MGAT4C: variants seen among roughly 807,000 people sequenced by gnomAD.
The protein encoded by MGAT4C is MGAT4 family member C, also known as alpha-1,3-mannosyl-glycoprotein 4-beta-N-acetylglucosaminyltransferase C.
MGAT4C carries 19 observed loss-of-function variants against 40.1 expected under a neutral mutation model. The observed-to-expected ratio is 0.47, with a 90% CI of 0.33 to 0.70. The LOEUF (loss-of-function observed/expected upper bound fraction) is 0.70, where lower values mean the gene tolerates loss of function less well. Among genes scored for constraint, MGAT4C ranks in the 30% least tolerant of loss-of-function variants. The pLI is 0.02. For synonymous variants in MGAT4C, 181 were observed against 187.1 expected (o/e 0.97, Z 0.27); for missense variants, 491 against 563.2 (o/e 0.87, Z 1.30).
At chr12:86,567,070 A>T (rs1430353873) in intron 2 of MGAT4C, among the ~76,000 whole-genome samples, 1 of 152,158 alleles carries the variant, frequency 6.6e-6, no homozygotes, top group African/African-American at 2.4e-5. Context: ...TCAACTAGGT[A>T]ACAATACTTT....
chr12:86,257,803 G>C (rs1014366644), upstream of MGAT4C, among the ~76,000 whole-genome samples: 3 of 152,144 alleles, frequency 2.0e-5, no homozygotes, highest in African/African-American at 7.2e-5. Context: ...TGACATGGGA[G>C]CAAGAGTTCT....
intron 2 of MGAT4C, among the ~76,000 whole-genome samples, chr12:85,991,335 T>C (rs952163684): frequency 3.3e-5 from 5 of 152,104 alleles, no homozygotes; most frequent in Admixed American, 2.6e-4. Flanking sequence ...TGCCAACTGA[T>C]CCATGGACAG....
At chr12:86,150,221 A>G (rs1394403954) in intron 1 of MGAT4C, among the ~76,000 whole-genome samples, 2 of 152,198 alleles carry the variant, frequency 1.3e-5, no homozygotes, top group Admixed American at 6.5e-5. Flanking sequence ...ATGAACAGAC[A>G]GTAAAGCTCA....
chr12:86,258,471 A>C (rs1381542119), upstream of MGAT4C, among the ~76,000 whole-genome samples: 2 of 152,100 alleles, frequency 1.3e-5, no homozygotes, highest in African/African-American at 4.8e-5. Context: ...AAATACAGCA[A>C]TATAAAGATT....
At chr12:86,737,599 A>T (rs1164732366) in intron 1 of MGAT4C, among the ~76,000 whole-genome samples, 1 of 151,302 alleles carries the variant, frequency 6.6e-6, no homozygotes, top group Non-Finnish European at 1.5e-5. Flanking sequence ...CCAGCTCCTA[A>T]TACTTTCTGA....
chr12:86,368,570 A>T (rs1463922823), intron 3 of MGAT4C, among the ~76,000 whole-genome samples: 1 of 151,508 alleles, frequency 6.6e-6, no homozygotes, highest in Non-Finnish European at 1.5e-5. Flanking sequence ...TACATCTCAT[A>T]AGATTCAGTG....
chr12:86,608,978 G>C (rs1962146167), intron 2 of MGAT4C, among the ~76,000 whole-genome samples: 1 of 151,992 alleles, frequency 6.6e-6, no homozygotes, highest in Non-Finnish European at 1.5e-5. Flanking sequence ...AAAATGTAGA[G>C]ATGAAAGCAT....
intron 1 of MGAT4C, among the ~76,000 whole-genome samples, chr12:86,253,791 A>T (rs1952401845): frequency 1.3e-5 from 2 of 151,954 alleles, no homozygotes; most frequent in East Asian, 3.9e-4. Context: ...TTGAACTGAG[A>T]AACTAAAAAA....
chr12:86,428,030 GCAA>G (rs202133402), intron 3 of MGAT4C, among the ~76,000 whole-genome samples: 1,947 of 150,662 alleles, frequency 0.013, 88 homozygotes, highest in Admixed American at 0.022. Context: ...AAAAACAACA[GCAA>G]CAACAACAAC....
intron 1 of MGAT4C, among the ~76,000 whole-genome samples, chr12:86,169,240 A>G (rs1311786026): frequency 6.6e-6 from 1 of 152,080 alleles, no homozygotes; most frequent in African/African-American, 2.4e-5. Flanking sequence ...AAGGCAAAAA[A>G]CCATGCAAGG....
intron 2 of MGAT4C, among the ~76,000 whole-genome samples, chr12:86,683,559 A>G (rs1231038373): frequency 6.6e-6 from 1 of 152,148 alleles, no homozygotes; most frequent in Non-Finnish European, 1.5e-5. Context: ...GAGGCTGGAA[A>G]AAAACTCACT....
chr12:85,984,618 G>A (rs1440310150), intron 3 of MGAT4C, among the ~76,000 whole-genome samples: 1 of 151,946 alleles, frequency 6.6e-6, no homozygotes, highest in African/African-American at 2.4e-5. Context: ...AGCCTTTACT[G>A]GTTATACACT....
intron 1 of MGAT4C, among the ~76,000 whole-genome samples, chr12:86,069,967 T>C (rs1188287208): frequency 2.0e-5 from 3 of 152,076 alleles, no homozygotes; most frequent in Non-Finnish European, 4.4e-5. Context: ...ATTACAATGG[T>C]ATAAAAGGCC....
intron 1 of MGAT4C, among the ~76,000 whole-genome samples, chr12:86,176,054 G>A (rs1424838844): frequency 2.6e-5 from 4 of 152,156 alleles, no homozygotes; most frequent in African/African-American, 9.7e-5. Flanking sequence ...CCCCGGCAAG[G>A]TGCAATTCTA....
At chr12:86,481,896 G>A (rs546138618) in intron 2 of MGAT4C, among the ~76,000 whole-genome samples, 1 of 151,724 alleles carries the variant, frequency 6.6e-6, no homozygotes, top group East Asian at 1.9e-4. Context: ...GGAATTATAG[G>A]CATGAGCCAC....
At chr12:86,324,776 C>T (rs1380610778) in intron 4 of MGAT4C, among the ~76,000 whole-genome samples, 2 of 151,674 alleles carry the variant, frequency 1.3e-5, no homozygotes, top group African/African-American at 4.8e-5. Flanking sequence ...GCTCTCTGCC[C>T]CAGATTTATG....
intron 2 of MGAT4C, among the ~76,000 whole-genome samples, chr12:86,674,626 G>A (rs188898736): frequency 2.4e-4 from 36 of 152,176 alleles, no homozygotes; most frequent in Non-Finnish European, 5.3e-4. Flanking sequence ...GAACCTGGGA[G>A]GCGGAGTTGC....
chr12:86,807,538 G>T (rs1236236369), intron 1 of MGAT4C, among the ~76,000 whole-genome samples: 2 of 152,016 alleles, frequency 1.3e-5, no homozygotes, highest in East Asian at 3.9e-4. Flanking sequence ...ATGGACATTT[G>T]GATGGATTCC....
At chr12:86,344,683 TTAAA>T (rs562590796) in intron 3 of MGAT4C, among the ~76,000 whole-genome samples, 27 of 151,146 alleles carry the variant, frequency 1.8e-4, no homozygotes, top group South Asian at 4.2e-4. Context: ...TCTTTAAGTG[TTAAA>T]TAGACAGCAA....
Sources: gnomAD v4.1 joint callset for allele counts (sites outside exome capture counted in the v4.1 genomes callset) on GRCh38, gnomAD v4.1.1 for gene constraint, MANE v1.5 for transcripts, NCBI Gene and HGNC (gene_info 2026-07-23, HGNC 2026-07-21) for gene names.